Variants in LPAR1 observed in about 807,000 individuals in gnomAD.
The protein encoded by LPAR1 is lysophosphatidic acid receptor 1.
In LPAR1, 5 loss-of-function variants were observed where a neutral mutation model predicts 23.8. That is an observed-to-expected ratio of 0.21 (90% CI 0.11 to 0.44). LPAR1 has a LOEUF of 0.44. Among genes scored for constraint, LPAR1 ranks in the 20% least tolerant of loss-of-function variants. The probability of loss-of-function intolerance (pLI) is 0.99; values close to 1 mark genes in which losing one functional copy is unlikely to be tolerated. For synonymous variants in LPAR1, 160 were observed against 164.7 expected, an observed-to-expected ratio of 0.97 and a Z score of 0.22; for missense variants, 311 against 482.8, an observed-to-expected ratio of 0.64 and a Z score of 3.33.
At chr9:111,013,169 A>G (rs1165998198) in intron 2 of LPAR1, among the ~76,000 whole-genome samples, 1 of 152,194 alleles carries the variant, frequency 6.6e-6, no homozygotes, top group Admixed American at 6.5e-5. Context: ...ATGAAGGCCA[A>G]AAGTGCTTGT....
intron 5 of LPAR1, among the ~76,000 whole-genome samples, chr9:110,933,548 G>C (rs2418118): frequency 0.45 from 67,901 of 151,846 alleles, 15,522 homozygotes; most frequent in South Asian, 0.53. Context: ...TGGGACTATG[G>C]AACTCGTAAG....
chr9:111,029,157 G>A (rs946857212), intron 2 of LPAR1, among the ~76,000 whole-genome samples: 1 of 152,112 alleles, frequency 6.6e-6, no homozygotes, highest in Non-Finnish European at 1.5e-5. Context: ...CACTCTAAAA[G>A]TGCTCTCCAG....
At chr9:110,937,845 G>A (rs1445718245) in intron 5 of LPAR1, among the ~76,000 whole-genome samples, 1 of 152,156 alleles carries the variant, frequency 6.6e-6, no homozygotes, top group Non-Finnish European at 1.5e-5. Flanking sequence ...AATGGAAACT[G>A]AGTAATCATT....
chr9:110,963,080 A>G (rs971613247), intron 4 of LPAR1, among the ~76,000 whole-genome samples: 2 of 152,218 alleles, frequency 1.3e-5, no homozygotes, highest in African/African-American at 4.8e-5. Flanking sequence ...AGCCAGACCC[A>G]CTTTGAAAGA....
intron 4 of LPAR1, among the ~76,000 whole-genome samples, chr9:110,944,350 G>T (rs2095297044): frequency 6.6e-6 from 1 of 152,094 alleles, no homozygotes; most frequent in South Asian, 2.1e-4. Flanking sequence ...CTGTTCTATG[G>T]ACTACATGCT....
chr9:111,038,798 G>A (rs761246613), upstream of LPAR1: 407 of 322,500 alleles, frequency 1.3e-3, 1 homozygote, highest in Non-Finnish European at 2.2e-3. The surrounding 1 kb of genome is among the most constrained non-coding windows in gnomAD (Gnocchi z 4.4). Flanking sequence ...CCCCGCCCCC[G>A]AGTCGACACA....
At chr9:110,912,134 C>T (rs1464005342) in intron 5 of LPAR1, among the ~76,000 whole-genome samples, 2 of 152,204 alleles carry the variant, frequency 1.3e-5, no homozygotes, top group African/African-American at 4.8e-5. Context: ...AGTGTGACTA[C>T]ATCACAGTTT....
chr9:110,953,990 A>C (rs1439925840), intron 4 of LPAR1, among the ~76,000 whole-genome samples: 1 of 152,128 alleles, frequency 6.6e-6, no homozygotes, highest in Non-Finnish European at 1.5e-5. Context: ...TCCAGGACAA[A>C]GAATTCAAAA....
rs543762357 is a variant in LPAR1, at chr9:110,876,096, G to A, written c.794-374C>T. On this transcript the variant is annotated intron_variant, in intron 5 of 5. Transcript: ENST00000683809. ...TTATTTTCAGGCAAAAGATAAGCAC[G>A]AATGATAAGTGTCCTTTAATGTTTA... 7.2e-5 allele frequency among the ~76,000 whole-genome samples: 11 copies of A among 152,290 alleles called. No individual in the cohort carries two copies. The East Asian group carries it at 7.7e-4, about 11-fold the overall frequency.
rs1259180658 is a variant in LPAR1, at chr9:110,942,162, C to T, written c.52G>A (p.Ala18Thr). The change falls in exon 5 of 6, where the codon GCC becomes ACC. Residue 18 changes from alanine to threonine, a missense_variant. Around this residue, in one of 2 missense-constraint regions of LPAR1, gnomAD observed 61 missense variants for 55.6 expected, o/e 1.10. Transcript: ENST00000683809. ...IPVISQPQFT[A>T]MNEPQCFYNE... ...TAGAAGCACTGTGGTTCATTCATGGCTGTGAACTAAAAGAAAAAGGAGAAA... is the reference window on the plus strand; with the variant it reads ...TAGAAGCACTGTGGTTCATTCATGGTTGTGAACTAAAAGAAAAAGGAGAAA... 2 of 1,599,414 alleles carry T rather than the reference C, an allele frequency of 1.3e-6. No individual in the cohort carries two copies. Among genetic ancestry groups the T allele is most frequent in the Admixed American group, 1.8e-5 (1 of 56,396 alleles).
intron 5 of LPAR1, among the ~76,000 whole-genome samples, chr9:110,918,649 G>A (rs2093387534): frequency 6.6e-6 from 1 of 152,052 alleles, no homozygotes; most frequent in African/African-American, 2.4e-5. Flanking sequence ...TGAAGGAAGG[G>A]GAAGTGAAGG....
At chr9:110,932,574 C>T (rs551171694) in intron 5 of LPAR1, among the ~76,000 whole-genome samples, 1 of 152,342 alleles carries the variant, frequency 6.6e-6, no homozygotes, top group African/African-American at 2.4e-5. Flanking sequence ...AATCCCCAGG[C>T]CATGGACCAG....
At chr9:111,004,447 T>C (rs150798782) in intron 2 of LPAR1, among the ~76,000 whole-genome samples, 22 of 152,246 alleles carry the variant, frequency 1.4e-4, no homozygotes, top group African/African-American at 5.1e-4. Flanking sequence ...TGCTTATTGC[T>C]TTTACATTTT....
At chr9:111,005,331 T>C (rs537316961) in intron 2 of LPAR1, among the ~76,000 whole-genome samples, 2 of 150,964 alleles carry the variant, frequency 1.3e-5, no homozygotes, top group Non-Finnish European at 1.5e-5. Context: ...CCCAGCACTG[T>C]AGGAGGCCCA....
intron 5 of LPAR1, among the ~76,000 whole-genome samples, chr9:110,891,651 G>A (rs1359592638): frequency 6.6e-6 from 1 of 152,212 alleles, no homozygotes; most frequent in East Asian, 1.9e-4. Flanking sequence ...ACTTTGGGGT[G>A]AGGGAGGGAT....
intron 2 of LPAR1, among the ~76,000 whole-genome samples, chr9:111,018,852 C>T (rs2097506020): frequency 6.6e-6 from 1 of 151,944 alleles, no homozygotes; most frequent in South Asian, 2.1e-4. Flanking sequence ...ACAGCAAGTA[C>T]AAAGGAAATA....
chr9:110,912,256 A>G (rs2092547138), intron 5 of LPAR1, among the ~76,000 whole-genome samples: 1 of 152,208 alleles, frequency 6.6e-6, no homozygotes, highest in Non-Finnish European at 1.5e-5. Flanking sequence ...TCCATCATCG[A>G]GGTGACTAGA....
chr9:110,873,355 T>C lies in LPAR1; in HGVS notation c.*2066A>G, dbSNP rs1588075745. 1 of 152,200 alleles carries C rather than the reference T, an allele frequency of 6.6e-6. No homozygotes were observed. The highest frequency in any genetic ancestry group is 2.4e-5 in the African/African-American group (1 of 41,452). 9.4% of individuals were successfully genotyped at this position (152,200 alleles called of 1,614,324 possible). On this transcript the variant is annotated 3_prime_UTR_variant, in exon 6 of 6. Coordinates refer to ENST00000683809, the MANE Select transcript of LPAR1 (RefSeq NM_001351411.2). ...AGAAAAATATGCACATGTGTAAAAG[T>C]CCACGTTCATTTCTTTCACTTCCAA...
At chr9:110,980,355 TG>T (rs1478368868) in intron 2 of LPAR1, among the ~76,000 whole-genome samples, 1 of 152,124 alleles carries the variant, frequency 6.6e-6, no homozygotes, top group Admixed American at 6.6e-5. Context: ...CCAAAACAAC[TG>T]AAAGTGGTAG....
Sources: gnomAD v4.1 joint callset for allele counts (sites outside exome capture counted in the v4.1 genomes callset) on GRCh38, gnomAD v4.1.1 for gene constraint, gnomAD v4.1.1 regional missense constraint, Gnocchi (gnomAD v3.1) non-coding constraint, MANE v1.5 for transcripts, NCBI Gene and HGNC (gene_info 2026-07-23, HGNC 2026-07-21) for gene names.